The following MYO1D variants were observed in gnomAD, a reference collection of about 807,000 sequenced individuals.
MYO1D encodes unconventional myosin-Id.
MYO1D carries 83 observed loss-of-function variants against 122.0 expected under a neutral mutation model. The ratio of observed to expected loss-of-function variants is 0.68; its 90% CI spans 0.57 to 0.82. MYO1D has a LOEUF of 0.82. MYO1D is among the 40% of genes least tolerant of loss of function. The pLI, the probability that MYO1D is intolerant of heterozygous loss-of-function variation, is 0.00. For synonymous variants in MYO1D, 464 were observed against 446.9 expected (o/e 1.04, Z -0.48); for missense variants, 1,157 against 1,269.5 (o/e 0.91, Z 1.35).
At chr17:32,812,101 G>T (rs2090577326) in intron 1 of MYO1D, among the ~76,000 whole-genome samples, 1 of 152,196 alleles carries the variant, frequency 6.6e-6, no homozygotes, top group South Asian at 2.1e-4. Context: ...GCTATAAAAA[G>T]AGATAAGCTT....
chr17:32,503,712 G>A (rs888363729), intron 21 of MYO1D, among the ~76,000 whole-genome samples: 2 of 152,192 alleles, frequency 1.3e-5, no homozygotes, highest in Non-Finnish European at 2.9e-5. Flanking sequence ...ACAGAGACAG[G>A]CCGTCCTCCA....
At chr17:32,766,960 A>T (rs942764028) in intron 7 of MYO1D, among the ~76,000 whole-genome samples, 2 of 152,226 alleles carry the variant, frequency 1.3e-5, no homozygotes, top group African/African-American at 4.8e-5. Context: ...TTTCATAAAG[A>T]TCCTGCACAT....
At chr17:32,860,641 T>G (rs190133415) in intron 1 of MYO1D, among the ~76,000 whole-genome samples, 1 of 152,324 alleles carries the variant, frequency 6.6e-6, no homozygotes, top group Admixed American at 6.5e-5. Context: ...TAAAGGAAAT[T>G]GAAGAGTTGC....
chr17:32,749,886 C>T (rs561355491), intron 11 of MYO1D, among the ~76,000 whole-genome samples: 1 of 152,312 alleles, frequency 6.6e-6, no homozygotes, highest in Non-Finnish European at 1.5e-5. Flanking sequence ...GCATACACAT[C>T]TTATTCAGTC....
chr17:32,528,523 C>T (rs1291632090), intron 21 of MYO1D, among the ~76,000 whole-genome samples: 1 of 151,974 alleles, frequency 6.6e-6, no homozygotes, highest in Admixed American at 6.6e-5. Context: ...GCTGAATATG[C>T]CCTCCCACCC....
At chr17:32,760,095 C>T in intron 10 of MYO1D, 195 bp downstream of exon 10, 1 of 714,454 alleles carries the variant, frequency 1.4e-6, no homozygotes, top group Non-Finnish European at 2.5e-6. Flanking sequence ...TGGGCATCAA[C>T]AAGGCAGTCT....
At chr17:32,617,535 G>C (rs1341340528) in intron 20 of MYO1D, among the ~76,000 whole-genome samples, 1 of 152,076 alleles carries the variant, frequency 6.6e-6, no homozygotes, top group Non-Finnish European at 1.5e-5. Context: ...CTGCCTCCTG[G>C]GTTCCAGCAA....
rs192463517 is a variant in MYO1D, at chr17:32,665,484, A to C, written c.2122-6146T>G. The stretch of plus-strand genomic sequence containing the variant: ...CTTCATCTTCCAAGTCTGATATTGA[A>C]TCTTTCACTTCGGCTGTCACATTTT... On this transcript the variant is annotated intron_variant, in intron 16 of 21. Coordinates refer to ENST00000318217, the MANE Select transcript of MYO1D (RefSeq NM_015194.3). Among the ~76,000 whole-genome samples, 590 of 152,308 alleles carry C rather than the reference A, an allele frequency of 3.9e-3. 8 individuals carry two copies. Among genetic ancestry groups the C allele is most frequent in the Middle Eastern group, 6.8e-3 (2 of 294 alleles).
At chr17:32,554,338 T>C (rs2087049413) in intron 21 of MYO1D, among the ~76,000 whole-genome samples, 1 of 152,202 alleles carries the variant, frequency 6.6e-6, no homozygotes, top group Non-Finnish European at 1.5e-5. Flanking sequence ...CAGATCCCTC[T>C]TGGGCAACTG....
chr17:32,673,090 C>CCTTTT (rs2088745716), intron 16 of MYO1D, among the ~76,000 whole-genome samples: 1 of 28,628 alleles, frequency 3.5e-5, no homozygotes, highest in African/African-American at 8.7e-5. Context: ...AAACATGCTA[C>CCTTTT]TTTTTTTTTT....
At chr17:32,665,295 C>T (rs528152705) in intron 16 of MYO1D, among the ~76,000 whole-genome samples, 5 of 152,000 alleles carry the variant, frequency 3.3e-5, no homozygotes, top group South Asian at 2.1e-4. Context: ...CAACATATCA[C>T]GTAACTTACA....
At chr17:32,812,916 A>T (rs1303303581) in intron 1 of MYO1D, among the ~76,000 whole-genome samples, 1 of 152,236 alleles carries the variant, frequency 6.6e-6, no homozygotes, top group Admixed American at 6.5e-5. Context: ...CAATCACCTT[A>T]ACCATAATGG....
intron 16 of MYO1D, among the ~76,000 whole-genome samples, chr17:32,664,146 T>C (rs2088606772): frequency 1.3e-5 from 2 of 152,220 alleles, no homozygotes; most frequent in Non-Finnish European, 2.9e-5. Context: ...CAGAGGAAAA[T>C]GATTTTACAG....
chr17:32,784,981 T>TAC (rs2090278809), intron 1 of MYO1D, among the ~76,000 whole-genome samples: 1 of 152,162 alleles, frequency 6.6e-6, no homozygotes, highest in Non-Finnish European at 1.5e-5. Context: ...TGAGGGAGTT[T>TAC]ACATTTGATG....
At chr17:32,715,492 T>C (rs888994881) in intron 15 of MYO1D, among the ~76,000 whole-genome samples, 40 of 152,272 alleles carry the variant, frequency 2.6e-4, no homozygotes, top group Non-Finnish European at 4.4e-5. Flanking sequence ...TCCCTGGATA[T>C]ATCTTGTCAA....
intron 20 of MYO1D, among the ~76,000 whole-genome samples, chr17:32,636,644 G>C (rs1283465669): frequency 6.6e-6 from 1 of 152,190 alleles, no homozygotes; most frequent in Admixed American, 6.5e-5. Flanking sequence ...CAAGGAAGTG[G>C]GGAGAGAAGG....
At chr17:32,787,956 A>G (rs906655923) in intron 1 of MYO1D, among the ~76,000 whole-genome samples, 1 of 152,204 alleles carries the variant, frequency 6.6e-6, no homozygotes, top group African/African-American at 2.4e-5. Flanking sequence ...GTAGTATTCC[A>G]TGGTGTATCT....
intron 21 of MYO1D, among the ~76,000 whole-genome samples, chr17:32,598,007 C>T (rs1237985625): frequency 6.6e-6 from 1 of 151,684 alleles, no homozygotes; most frequent in Non-Finnish European, 1.5e-5. Flanking sequence ...AGATAGAATT[C>T]TCTTGTTCTT....
intron 11 of MYO1D, among the ~76,000 whole-genome samples, chr17:32,753,202 C>T (rs1390209888): frequency 6.6e-6 from 1 of 152,046 alleles, no homozygotes; most frequent in African/African-American, 2.4e-5. Flanking sequence ...CTAAACAATG[C>T]ATATGCATGA....
Sources: gnomAD v4.1 joint callset for allele counts (sites outside exome capture counted in the v4.1 genomes callset) on GRCh38, gnomAD v4.1.1 for gene constraint, MANE v1.5 for transcripts, NCBI Gene and HGNC (gene_info 2026-07-23, HGNC 2026-07-21) for gene names.